The following ARHGAP24 variants were observed in gnomAD, a reference collection of about 807,000 sequenced individuals.
ARHGAP24 encodes the protein Rho GTPase activating protein 24, also known as rho GTPase-activating protein 24.
Under a neutral mutation model 76.4 loss-of-function variants are expected in ARHGAP24, and 50 were observed. That is an observed-to-expected ratio of 0.65 (90% confidence interval 0.52 to 0.83). The LOEUF (loss-of-function observed/expected upper bound fraction) is 0.83. Among genes scored for constraint, ARHGAP24 ranks in the 40% least tolerant of loss-of-function variants. ARHGAP24 has a pLI of 0.00. For synonymous variants in ARHGAP24, 345 were observed against 323.3 expected (o/e 1.07, Z -0.72); for missense variants, 930 against 914.2 (o/e 1.02, Z -0.22).
At chr4:85,868,120 T>C (rs1233633302) in intron 3 of ARHGAP24, among the ~76,000 whole-genome samples, 1 of 151,978 alleles carries the variant, frequency 6.6e-6, no homozygotes, top group African/African-American at 2.4e-5. Context: ...TATACATTAG[T>C]TCCGCCTGGA....
chr4:85,903,216 A>G (rs1271685991), intron 3 of ARHGAP24, among the ~76,000 whole-genome samples: 3 of 152,200 alleles, frequency 2.0e-5, no homozygotes, highest in African/African-American at 4.8e-5. Context: ...GAATTTTTCT[A>G]CTTAACTGAA....
rs558870301 is a variant in ARHGAP24 at position 85,561,578 on chromosome 4, G to A, written c.-20-8944G>A. The stretch of plus-strand genomic sequence containing the variant: ...AGATCTAATTATTTAAATATTTTTC[G>A]TTATGTAGTTTTTGGTAAATGCACA... On this transcript the variant is annotated intron_variant, in intron 1 of 9. Transcript: ENST00000395184. Among the ~76,000 whole-genome samples the A allele has an allele frequency of 2.2e-4, 34 of 152,126 alleles. 1 individual carries two copies. The highest frequency in any genetic ancestry group is 1.2e-3 in the Admixed American group (18 of 15,280).
At chr4:85,533,067 G>T (rs1725333143) in intron 1 of ARHGAP24, among the ~76,000 whole-genome samples, 1 of 152,196 alleles carries the variant, frequency 6.6e-6, no homozygotes, top group Admixed American at 6.5e-5. Flanking sequence ...GGTCATAAAA[G>T]CCTAAATAGA....
intron 1 of ARHGAP24, among the ~76,000 whole-genome samples, chr4:85,523,299 C>T (rs1724859388): frequency 6.6e-6 from 1 of 152,126 alleles, no homozygotes; most frequent in South Asian, 2.1e-4. Flanking sequence ...AACTGAAGTA[C>T]TTCAGTACTG....
At chr4:85,720,414 T>G (rs1439250869) in intron 2 of ARHGAP24, among the ~76,000 whole-genome samples, 1 of 152,194 alleles carries the variant, frequency 6.6e-6, no homozygotes, top group African/African-American at 2.4e-5. Flanking sequence ...ATTTCTATAT[T>G]TCTGGCTTTT....
At chr4:85,575,510 A>T (rs1727335724) in intron 2 of ARHGAP24, among the ~76,000 whole-genome samples, 2 of 152,158 alleles carry the variant, frequency 1.3e-5, no homozygotes, top group Admixed American at 6.5e-5. Context: ...TACGCCGCAC[A>T]CCCCAAAGGA....
At chr4:85,599,061 G>A (rs555331609) in intron 2 of ARHGAP24, among the ~76,000 whole-genome samples, 33 of 151,982 alleles carry the variant, frequency 2.2e-4, no homozygotes, top group Admixed American at 1.3e-3. Context: ...TGAATTCAAC[G>A]AGCCACATTT....
chr4:85,831,278 TA>T (rs1729982005), intron 3 of ARHGAP24, among the ~76,000 whole-genome samples: 1 of 152,148 alleles, frequency 6.6e-6, no homozygotes, highest in South Asian at 2.1e-4. Flanking sequence ...AAATAATCAG[TA>T]AGACAATGTA....
In ARHGAP24 at chr4:85,612,083, TACACACACACAC is replaced by T. The variant is rs34030905; in HGVS notation, c.180+41390_180+41401del. On this transcript the variant is annotated intron_variant, in intron 2 of 9. Coordinates refer to ENST00000395184, the MANE Select transcript of ARHGAP24 (RefSeq NM_001025616.3). ...TAAATTGGGTTCTCTTTCATTACATTACACACACACACACACACACACACACACACACACACA... is the reference window on the plus strand; with the variant it reads ...TAAATTGGGTTCTCTTTCATTACATTACACACACACACACACACACACACA... Among the ~76,000 whole-genome samples, 363 of 143,418 alleles carry T rather than the reference TACACACACACAC, an allele frequency of 2.5e-3. 1 individual carries two copies. The highest frequency in any genetic ancestry group is 1.8e-3 in the African/African-American group (68 of 38,384). 94.1% of individuals were successfully genotyped at this position (143,418 alleles called of 152,430 possible). A position where few individuals can be genotyped will look rare whatever the true frequency, so the allele number is the denominator to read the frequency against.
intron 2 of ARHGAP24, among the ~76,000 whole-genome samples, chr4:85,572,120 G>A (rs1727163230): frequency 6.6e-6 from 1 of 152,200 alleles, no homozygotes; most frequent in Middle Eastern, 3.4e-3. Flanking sequence ...AATTAATGGA[G>A]TTTTTTTGTC....
At chr4:85,984,150 G>A (rs1166766945) in intron 8 of ARHGAP24, among the ~76,000 whole-genome samples, 1 of 152,144 alleles carries the variant, frequency 6.6e-6, no homozygotes, top group Non-Finnish European at 1.5e-5. Flanking sequence ...CAAAAGTAGG[G>A]AATTATGGTA....
intron 1 of ARHGAP24, among the ~76,000 whole-genome samples, chr4:85,522,811 A>G (rs1414095065): frequency 6.6e-6 from 1 of 152,158 alleles, no homozygotes; most frequent in Non-Finnish European, 1.5e-5. Context: ...GTTTATCCGC[A>G]TGATGTAAAG....
At chr4:85,943,567 A>G (rs111247492) in intron 5 of ARHGAP24, among the ~76,000 whole-genome samples, 10,921 of 152,110 alleles carry the variant, frequency 0.072, 1,362 homozygotes, top group African/African-American at 0.25. Context: ...CCATCAACCC[A>G]TCATCTACAA....
Position 85,759,514 on chromosome 4 carries a change from C to T in ARHGAP24, c.268+37542C>T, listed in dbSNP as rs979815013. Among the ~76,000 whole-genome samples the T allele has an allele frequency of 1.2e-4, 18 of 152,154 alleles. 1 individual carries two copies. The highest frequency in any genetic ancestry group is 1.1e-3 in the Admixed American group (17 of 15,268). ...GAAATTGAACTCAGATTATAAAAGA[C>T]TTTATGCAGAGTCTAGGGGGGTGGG... On this transcript the variant is annotated intron_variant, in intron 3 of 9. Transcript: ENST00000395184.
At chr4:85,583,349 TTTA>T (rs1244247719) in intron 2 of ARHGAP24, among the ~76,000 whole-genome samples, 1 of 152,166 alleles carries the variant, frequency 6.6e-6, no homozygotes, top group Non-Finnish European at 1.5e-5. Context: ...CAGTACTCTA[TTTA>T]TATTATTATT....
intron 3 of ARHGAP24, among the ~76,000 whole-genome samples, chr4:85,855,589 C>T (rs1318065978): frequency 6.6e-6 from 1 of 151,756 alleles, no homozygotes; most frequent in Non-Finnish European, 1.5e-5. Flanking sequence ...GTCAGCAGTT[C>T]GAGACCAGCC....
intron 4 of ARHGAP24, chr4:85,930,578 A>C: frequency 9.6e-7 from 1 of 1,039,722 alleles, no homozygotes; most frequent in Middle Eastern, 4.7e-4. Context: ...TAAAAACAAA[A>C]AAATGCAAAA....
At chr4:85,677,289 T>C (rs1016424794) in intron 2 of ARHGAP24, among the ~76,000 whole-genome samples, 1 of 152,228 alleles carries the variant, frequency 6.6e-6, no homozygotes, top group African/African-American at 2.4e-5. Flanking sequence ...CTTGTAGTCC[T>C]GACCTTGGCA....
chr4:85,801,103 A>G (rs1240405966), intron 3 of ARHGAP24, among the ~76,000 whole-genome samples: 3 of 152,178 alleles, frequency 2.0e-5, no homozygotes, highest in South Asian at 2.1e-4. Flanking sequence ...GTCATTTTAA[A>G]CTATCTATAG....
Sources: gnomAD v4.1 joint callset for allele counts (sites outside exome capture counted in the v4.1 genomes callset) on GRCh38, gnomAD v4.1.1 for gene constraint, MANE v1.5 for transcripts, NCBI Gene and HGNC (gene_info 2026-07-23, HGNC 2026-07-21) for gene names.